LAMP3: variants seen among roughly 807,000 people sequenced by gnomAD.
LAMP3 encodes lysosome-associated membrane glycoprotein 3.
In LAMP3, 26 loss-of-function variants were observed where a neutral mutation model predicts 34.8. The observed-to-expected ratio is 0.75, with a 90% CI of 0.55 to 1.04. The LOEUF (loss-of-function observed/expected upper bound fraction) is 1.04, where lower values mean the gene tolerates loss of function less well. LAMP3 is among the 50% of genes least tolerant of loss of function. The probability of loss-of-function intolerance (pLI) is 0.00; values close to 1 mark genes in which losing one functional copy is unlikely to be tolerated. For missense variants in LAMP3, 495 were observed against 524.0 expected (o/e 0.94, Z 0.54); for synonymous variants, 180 against 201.9 (o/e 0.89, Z 0.92).
intron 4 of LAMP3, among the ~76,000 whole-genome samples, chr3:183,138,450 AG>A (rs1720167339): frequency 6.6e-6 from 1 of 152,222 alleles, no homozygotes; most frequent in Non-Finnish European, 1.5e-5. Context: ...AGCTAGTCAA[AG>A]GATAGAGCTT....
At chr3:183,127,685 C>A (rs1321925556) in intron 5 of LAMP3, among the ~76,000 whole-genome samples, 1 of 152,050 alleles carries the variant, frequency 6.6e-6, no homozygotes, top group Non-Finnish European at 1.5e-5. Flanking sequence ...CATTAAGAAG[C>A]CCACAGTGCC....
chr3:183,138,528 AAAG>A (rs1418286843), intron 4 of LAMP3, among the ~76,000 whole-genome samples: 1 of 152,182 alleles, frequency 6.6e-6, no homozygotes, highest in Non-Finnish European at 1.5e-5. Flanking sequence ...ACAAACAAAT[AAAG>A]GTTATTTAAC....
rs374491864 is a variant in LAMP3, at chr3:183,124,111, C to T, written c.1221G>A (p.Arg407=). ...MGMGVYKIRL[R]CQSSGYQRI ...TTCTCTGGTATCCAGATGATTGACACCTTAGGCGGATTTTATAGACACCCA... is the reference window on the plus strand; with the variant it reads ...TTCTCTGGTATCCAGATGATTGACATCTTAGGCGGATTTTATAGACACCCA... Residue 407 remains arginine, a synonymous_variant, in exon 6 of 6, where the codon AGG becomes AGA. Coordinates refer to ENST00000265598, the MANE Select transcript of LAMP3 (RefSeq NM_014398.4). The T allele has an allele frequency of 3.3e-5, 54 of 1,613,954 alleles. No homozygotes were observed. Among genetic ancestry groups the T allele is most frequent in the Non-Finnish European group, 4.5e-5 (53 of 1,180,012 alleles).
In LAMP3 at chr3:183,124,129, G is replaced by A. The variant is rs771320577; in HGVS notation, c.1203C>T (p.Val401=). The change falls in exon 6 of 6, where the codon GTC becomes GTT. Residue 401 remains valine, a synonymous_variant. Transcript: ENST00000265598. ...VVGLCLMGMG[V]YKIRLRCQSS... Reference sequence around the variant, plus strand: ...ATTGACACCTTAGGCGGATTTTATAGACACCCATACCCATAAGGCAGAGAC... The same window carrying A: ...ATTGACACCTTAGGCGGATTTTATAAACACCCATACCCATAAGGCAGAGAC... 4.3e-6 allele frequency: 7 copies of A among 1,613,996 alleles called. No individual in the cohort carries two copies. The South Asian group carries it at 4.4e-5, about 10-fold the overall frequency.
chr3:183,152,890 T>C (rs1289450372), intron 2 of LAMP3, among the ~76,000 whole-genome samples: 1 of 152,088 alleles, frequency 6.6e-6, no homozygotes, highest in East Asian at 1.9e-4. Context: ...AGAGAAAATA[T>C]TATTGGCCGG....
chr3:183,154,526 G>C, intron 1 of LAMP3, 135 bp from the exon 2 acceptor site: 1 of 671,788 alleles, frequency 1.5e-6, no homozygotes, highest in Non-Finnish European at 2.5e-6. Flanking sequence ...AATTTGCAAG[G>C]GTACAACAAT....
intron 1 of LAMP3, among the ~76,000 whole-genome samples, chr3:183,157,916 G>A (rs1425616994): frequency 6.6e-6 from 1 of 152,182 alleles, no homozygotes; most frequent in Non-Finnish European, 1.5e-5. Flanking sequence ...TATGTAGGAA[G>A]CCTTGGTGGG....
At chr3:183,131,402 G>C (rs1024015819) in intron 5 of LAMP3, among the ~76,000 whole-genome samples, 2 of 152,196 alleles carry the variant, frequency 1.3e-5, no homozygotes, top group African/African-American at 4.8e-5. Context: ...GGAGCCTGGA[G>C]CAGGTGCCAG....
intron 1 of LAMP3, among the ~76,000 whole-genome samples, chr3:183,156,997 C>T (rs1019391682): frequency 6.6e-6 from 1 of 152,066 alleles, no homozygotes; most frequent in Admixed American, 6.5e-5. Context: ...TCATGAAAAC[C>T]TCATAATGAT....
intron 1 of LAMP3, among the ~76,000 whole-genome samples, chr3:183,156,364 A>AAAC (rs10663850): frequency 6.0e-5 from 9 of 151,150 alleles, no homozygotes; most frequent in South Asian, 2.1e-4. Context: ...GCTGTCTCAA[A>AAAC]AACAACAACA....
intron 1 of LAMP3, among the ~76,000 whole-genome samples, chr3:183,162,283 C>T (rs1193297343): frequency 3.3e-5 from 5 of 152,080 alleles, no homozygotes; most frequent in Non-Finnish European, 5.9e-5. Flanking sequence ...AAGACAGGAG[C>T]GCTTTTCCCG....
chr3:183,132,188 C>A, intron 5 of LAMP3: 1 of 985,198 alleles, frequency 1.0e-6, no homozygotes, highest in Non-Finnish European at 1.2e-6. Context: ...TCCTTTTTTG[C>A]CATGATCTTT....
At position 183,123,998 on chromosome 3, in the gene LAMP3, C is replaced by G; in HGVS notation, c.*83G>C. ...TTACATTGTTTGAAGGACCCACACT[C>G]TGAGGGAATTTCCCAACATCCATCC... is the stretch of plus-strand genomic sequence containing the variant. On this transcript the variant is annotated 3_prime_UTR_variant, in exon 6 of 6. Transcript: ENST00000265598. The G allele has an allele frequency of 6.7e-7, 1 of 1,503,102 alleles. No homozygotes were observed. Among genetic ancestry groups the G allele is most frequent in the Non-Finnish European group, 9.2e-7 (1 of 1,084,122 alleles). 93.1% of individuals were successfully genotyped at this position (1,503,102 alleles called of 1,614,324 possible).
chr3:183,148,216 A>T (rs568577611), intron 3 of LAMP3, among the ~76,000 whole-genome samples: 1 of 152,336 alleles, frequency 6.6e-6, no homozygotes, highest in South Asian at 2.1e-4. Flanking sequence ...CTTTGAAACC[A>T]CTAAAAGAAA....
At chr3:183,131,001 G>C (rs1455286974) in intron 5 of LAMP3, among the ~76,000 whole-genome samples, 2 of 152,180 alleles carry the variant, frequency 1.3e-5, no homozygotes, top group Non-Finnish European at 2.9e-5. Flanking sequence ...AAGTGGGCAG[G>C]ACTGTGAGTA....
In LAMP3 at chr3:183,130,821, A is replaced by G. The variant is rs183806232; in HGVS notation, c.1117+4896T>C. On this transcript the variant is annotated intron_variant, in intron 5 of 5. Coordinates refer to ENST00000265598, the MANE Select transcript of LAMP3 (RefSeq NM_014398.4). Reference sequence around the variant, plus strand: ...TTCACTACCCTAGGTTGGAAAACGAAGAAAATAAAGCAACCCACTCTTTTT... The same window carrying G: ...TTCACTACCCTAGGTTGGAAAACGAGGAAAATAAAGCAACCCACTCTTTTT... Among the ~76,000 whole-genome samples, 814 of 152,258 alleles carry G rather than the reference A, an allele frequency of 5.3e-3. 2 individuals carry two copies. Among genetic ancestry groups the G allele is most frequent in the Non-Finnish European group, 9.1e-3 (617 of 68,002 alleles).
At chr3:183,146,979 T>C (rs1181604089) in intron 3 of LAMP3, among the ~76,000 whole-genome samples, 2 of 151,802 alleles carry the variant, frequency 1.3e-5, no homozygotes, top group Non-Finnish European at 2.9e-5. Flanking sequence ...ATTGAGCAAC[T>C]GTGCCTGTTA....
chr3:183,161,955 G>T (rs1196806150), intron 1 of LAMP3: 5 of 985,258 alleles, frequency 5.1e-6, no homozygotes, highest in Non-Finnish European at 6.0e-6. Flanking sequence ...CATGTTACAA[G>T]CAAGGGCCAC....
intron 5 of LAMP3, 117 bp from the exon 6 acceptor site, chr3:183,124,331 C>T (rs1420925564): frequency 2.4e-6 from 2 of 850,348 alleles, no homozygotes; most frequent in Non-Finnish European, 3.4e-6. Flanking sequence ...CTTTTAACTC[C>T]ACCATTAACT....
Sources: allele counts gnomAD v4.1 joint callset (sites outside exome capture counted in the v4.1 genomes callset), GRCh38; gene constraint gnomAD v4.1.1; transcripts MANE v1.5; gene names NCBI Gene and HGNC (gene_info 2026-07-23, HGNC 2026-07-21).